The following FRMPD3 variants were observed in gnomAD, a reference collection of about 807,000 sequenced individuals.
The protein encoded by FRMPD3 is FERM and PDZ domain containing 3, also known as FERM and PDZ domain-containing protein 3.
FRMPD3 carries 42 observed loss-of-function variants against 97.9 expected under a neutral mutation model. That is an observed-to-expected ratio of 0.43 (90% confidence interval 0.34 to 0.55). FRMPD3 has a LOEUF of 0.55. Ranked by LOEUF, FRMPD3 falls within the 20% of genes least tolerant of loss-of-function variation. The pLI, the probability that FRMPD3 is intolerant of heterozygous loss-of-function variation, is 0.03. For synonymous variants in FRMPD3, 577 were observed against 581.1 expected (o/e 0.99, Z 0.10); for missense variants, 1,303 against 1,457.7 (o/e 0.89, Z 1.73).
intron 13 of FRMPD3, among the ~76,000 whole-genome samples, chrX:107,591,207 G>C (rs1923885594): frequency 9.3e-6 from 1 of 107,280 alleles, no homozygotes; most frequent in Non-Finnish European, 1.9e-5. Context: ...GCCCAGGCTG[G>C]AGTGCAATGG....
At chrX:107,571,813 G>A (rs1922902580) in intron 12 of FRMPD3, among the ~76,000 whole-genome samples, 1 of 112,198 alleles carries the variant, frequency 8.9e-6, no homozygotes, top group African/African-American at 3.2e-5. Context: ...CAGCTCATTA[G>A]TCAGCCAGCC....
chrX:107,594,604 G>T (rs748490444), intron 13 of FRMPD3, among the ~76,000 whole-genome samples: 2 of 112,231 alleles, frequency 1.8e-5, no homozygotes, highest in Non-Finnish European at 3.8e-5. Flanking sequence ...ATTTTAGGCC[G>T]GGCGCGGTGG....
intron 8 of FRMPD3, among the ~76,000 whole-genome samples, chrX:107,559,474 A>G (rs901563149): frequency 8.9e-6 from 1 of 112,000 alleles, no homozygotes; most frequent in African/African-American, 3.2e-5. Context: ...GTTTTTTGTA[A>G]TAGAATCCAC....
chrX:107,492,997 A>C (rs1488022276), intron 1 of FRMPD3, among the ~76,000 whole-genome samples: 10 of 109,074 alleles, frequency 9.2e-5, no homozygotes, highest in Non-Finnish European at 1.5e-4. Context: ...GGGAAACATA[A>C]TGAGACTCCC....
At chrX:107,581,652 C>T (rs1923397271) in intron 13 of FRMPD3, among the ~76,000 whole-genome samples, 1 of 111,544 alleles carries the variant, frequency 9.0e-6, no homozygotes, top group South Asian at 3.8e-4. Context: ...AGCGGTCACT[C>T]CCTATTTCCC....
At chrX:107,575,578 G>A (rs12843759) in intron 12 of FRMPD3, among the ~76,000 whole-genome samples, 118 of 111,284 alleles carry the variant, frequency 1.1e-3, no homozygotes, top group Admixed American at 2.1e-3. Flanking sequence ...AGCCTCTGGA[G>A]TAGCTGGGAT....
chrX:107,597,761 G>C lies in FRMPD3; in HGVS notation c.1882G>C (p.Gly628Arg). The C allele has an allele frequency of 5.0e-6, 6 of 1,192,790 alleles. No individual in the cohort carries two copies. Among genetic ancestry groups the C allele is most frequent in the Non-Finnish European group, 6.8e-6 (6 of 886,212 alleles). The stretch of plus-strand genomic sequence containing the variant: ...TCAGGAGCAGCTGGGCCCTCGCAAA[G>C]GTGGGAAGCCTGGCTCCTCTCGTGA... ...KLQEQLGPRK[G>R]GKPGSSRDNI... is the part of the protein sequence containing the mutation. The change falls in exon 14 of 15, where the codon GGT becomes CGT. Residue 628 changes from glycine to arginine, a missense_variant. Physicochemically the swap from Gly to Arg is moderately radical, Grantham distance 125. Around this residue, in one of 3 missense-constraint regions of FRMPD3, gnomAD observed 535 missense variants for 618.6 expected, o/e 0.86. Coordinates refer to ENST00000683843, the MANE Select transcript of FRMPD3 (RefSeq NM_001388459.1).
intron 6 of FRMPD3, among the ~76,000 whole-genome samples, chrX:107,551,240 G>A: frequency 9.0e-6 from 1 of 111,118 alleles, no homozygotes; most frequent in East Asian, 2.8e-4. Context: ...AGGCCTAGGT[G>A]GGTCCCCCAG....
At chrX:107,570,736 C>A (rs755010463) in intron 12 of FRMPD3, among the ~76,000 whole-genome samples, 8 of 111,738 alleles carry the variant, frequency 7.2e-5, no homozygotes, top group East Asian at 5.6e-4. Flanking sequence ...CCCCTCCAGG[C>A]CCCTTGATTC....
chrX:107,545,392 A>G (rs1248064591), intron 4 of FRMPD3: 1 of 126,169 alleles, frequency 7.9e-6, no homozygotes, highest in Admixed American at 8.4e-5. Flanking sequence ...TAATAATAAA[A>G]AGACACCCTT....
chrX:107,465,823 A>G (rs141299633), intron 1 of FRMPD3, among the ~76,000 whole-genome samples: 1,539 of 110,577 alleles, frequency 0.014, 10 homozygotes, highest in Non-Finnish European at 0.023. Context: ...AAGTTATCTG[A>G]GAGGGAAAAT....
chrX:107,517,257 G>GA (rs762018133), intron 1 of FRMPD3, among the ~76,000 whole-genome samples: 41 of 111,739 alleles, frequency 3.7e-4, no homozygotes, highest in African/African-American at 1.3e-3. Context: ...TTTTAATAGG[G>GA]AAAAAATAAA....
In FRMPD3 at chrX:107,451,438, A is replaced by C. The variant is rs1279725590; in HGVS notation, c.-8+1433A>C. Among the ~76,000 whole-genome samples, 17 of 112,039 alleles carry C rather than the reference A, an allele frequency of 1.5e-4. 1 individual carries two copies. The Admixed American group carries it at 1.6e-3, about 10-fold the overall frequency. ...CCTAGAGGACCCGGGATAGTGTGCC[A>C]GTTCAGCCACAGAGGCCCTCAGCTT... On this transcript the variant is annotated intron_variant, in intron 1 of 14. Coordinates refer to ENST00000683843, the MANE Select transcript of FRMPD3 (RefSeq NM_001388459.1).
chrX:107,593,193 T>C (rs1447790812), intron 13 of FRMPD3, among the ~76,000 whole-genome samples: 1 of 111,900 alleles, frequency 8.9e-6, no homozygotes, highest in Non-Finnish European at 1.9e-5. Context: ...GTATACCTTC[T>C]TTTGAGAATT....
chrX:107,569,643 AT>A (rs1308740673), intron 12 of FRMPD3, among the ~76,000 whole-genome samples: 1 of 111,487 alleles, frequency 9.0e-6, no homozygotes, highest in Non-Finnish European at 1.9e-5. Context: ...CAGTGCCATC[AT>A]GTTAATAGTT....
rs777075727 is a variant in FRMPD3 at position 107,603,096 on chromosome X, G to A, written c.5057G>A (p.Arg1686His). ...TTCATTGTGCGCTCCGAGGCCCAGC[G>A]CCAAGAGCTGCTGGCCAAGGTAGAA... ...LVFIVRSEAQRQELLAKVEEV... is the reference protein window; with the variant it reads ...LVFIVRSEAQHQELLAKVEEV... The change falls in exon 15 of 15, where the codon CGC becomes CAC. Residue 1686 changes from arginine (R) to histidine (H), a missense_variant. Physicochemically the swap from Arg to His is conservative, Grantham distance 29. This residue lies in a region of FRMPD3 where 764 missense variants were observed against 820.2 expected (regional missense o/e 0.93). Transcript: ENST00000683843. 9.1e-6 allele frequency: 11 copies of A among 1,208,534 alleles called. No individual in the cohort carries two copies. The African/African-American group carries it at 1.2e-4, about 13-fold the overall frequency.
chrX:107,480,913 A>AAAGG (rs1569410751), intron 1 of FRMPD3, among the ~76,000 whole-genome samples: 40 of 103,974 alleles, frequency 3.8e-4, no homozygotes, highest in African/African-American at 1.3e-3. Context: ...AGAAAGAAAG[A>AAAGG]AAGAAAGAAA....
At chrX:107,581,382 A>G (rs1439835282) in intron 13 of FRMPD3, among the ~76,000 whole-genome samples, 1 of 110,187 alleles carries the variant, frequency 9.1e-6, no homozygotes, top group Non-Finnish European at 1.9e-5. Flanking sequence ...AAGTGCTGGG[A>G]TTACAGGCAT....
chrX:107,496,444 A>G (rs1189941856), intron 1 of FRMPD3, among the ~76,000 whole-genome samples: 3 of 112,088 alleles, frequency 2.7e-5, no homozygotes, highest in Admixed American at 9.4e-5. Flanking sequence ...ACATTCAGAG[A>G]AGAAGCCAGC....
Sources: gnomAD v4.1 joint callset for allele counts (sites outside exome capture counted in the v4.1 genomes callset) on GRCh38, gnomAD v4.1.1 for gene constraint, gnomAD v4.1.1 regional missense constraint, MANE v1.5 for transcripts, NCBI Gene and HGNC (gene_info 2026-07-23, HGNC 2026-07-21) for gene names.